The following SCMH1 variants were observed in gnomAD, a reference collection of about 807,000 sequenced individuals.
SCMH1 encodes the protein Scm polycomb group protein homolog 1, also known as polycomb protein SCMH1.
SCMH1 carries 37 observed loss-of-function variants against 70.8 expected under a neutral mutation model. The observed-to-expected ratio is 0.52, with a 90% CI of 0.40 to 0.69. The LOEUF (loss-of-function observed/expected upper bound fraction) is 0.69. SCMH1 is among the 30% of genes least tolerant of loss of function. The pLI is 0.00. For synonymous variants in SCMH1, 292 were observed against 307.4 expected (o/e 0.95, Z 0.52); for missense variants, 607 against 827.3 (o/e 0.73, Z 3.27).
chr1:41,063,473 A>C (rs1653500893), intron 10 of SCMH1, among the ~76,000 whole-genome samples: 1 of 151,974 alleles, frequency 6.6e-6, no homozygotes, highest in South Asian at 2.1e-4. Flanking sequence ...ACTCTGTCTA[A>C]AAAATAATAA....
At chr1:41,196,609 A>G (rs1653080344) in intron 1 of SCMH1, among the ~76,000 whole-genome samples, 1 of 152,176 alleles carries the variant, frequency 6.6e-6, no homozygotes. Context: ...AGAAGAAAAC[A>G]TAGGGGAAAA....
At chr1:41,147,449 A>G (rs1382698201) in intron 5 of SCMH1, among the ~76,000 whole-genome samples, 1 of 152,040 alleles carries the variant, frequency 6.6e-6, no homozygotes, top group South Asian at 2.1e-4. Context: ...GTTTGGTGAG[A>G]GTTTTTATTT....
rs921369446 is a variant in SCMH1 at position 41,162,036 on chromosome 1, G to A, written c.14-604C>T. On this transcript the variant is annotated intron_variant, in intron 2 of 14. Transcript: ENST00000337495. The stretch of plus-strand genomic sequence containing the variant: ...GAGCCTGGGAGCAGGCAGGAGTCCC[G>A]CCATCCTGGGTGCAGCTGCAGCCAC... Among the ~76,000 whole-genome samples the A allele has an allele frequency of 9.2e-5, 14 of 152,092 alleles. 1 individual carries two copies. Among genetic ancestry groups the A allele is most frequent in the Admixed American group, 6.5e-5 (1 of 15,274 alleles).
intron 1 of SCMH1, among the ~76,000 whole-genome samples, chr1:41,196,718 A>G (rs966617281): frequency 1.3e-5 from 2 of 152,192 alleles, no homozygotes; most frequent in Non-Finnish European, 2.9e-5. Flanking sequence ...CCAAAATGAA[A>G]AACTGTTGTG....
chr1:41,146,302 T>C (rs1644559521), intron 5 of SCMH1, among the ~76,000 whole-genome samples: 1 of 152,146 alleles, frequency 6.6e-6, no homozygotes, highest in Non-Finnish European at 1.5e-5. Context: ...TCAAAAAAGT[T>C]AAAAAATTAA....
intron 13 of SCMH1, among the ~76,000 whole-genome samples, chr1:41,030,932 T>C (rs1363465959): frequency 1.3e-5 from 2 of 152,198 alleles, no homozygotes; most frequent in African/African-American, 2.4e-5. Context: ...CTTGCCTTGC[T>C]CACGTCTGTA....
At chr1:41,117,649 C>T (rs1670852656) in intron 6 of SCMH1, among the ~76,000 whole-genome samples, 2 of 152,216 alleles carry the variant, frequency 1.3e-5, no homozygotes, top group African/African-American at 4.8e-5. Flanking sequence ...AGTTCGCCTT[C>T]ATGTTCCATC....
intron 8 of SCMH1, among the ~76,000 whole-genome samples, chr1:41,106,148 T>A (rs1288791202): frequency 6.6e-6 from 1 of 151,876 alleles, no homozygotes; most frequent in Admixed American, 6.6e-5. Context: ...GTGCTGGGAT[T>A]ACAAGTGTGA....
At chr1:41,067,477 AAAAAG>A (rs1655051912) in intron 10 of SCMH1, among the ~76,000 whole-genome samples, 2 of 151,424 alleles carry the variant, frequency 1.3e-5, no homozygotes, top group African/African-American at 2.4e-5. Context: ...AAAAAAAAAA[AAAAAG>A]AGCTATCAAG....
intron 13 of SCMH1, among the ~76,000 whole-genome samples, chr1:41,035,673 C>T (rs879342636): frequency 2.6e-5 from 4 of 152,188 alleles, no homozygotes; most frequent in Non-Finnish European, 4.4e-5. Context: ...CTAACTTTCT[C>T]CTCTTTCCTA....
At chr1:41,033,882 T>A in intron 13 of SCMH1, 101 bp downstream of exon 14, 1 of 1,553,580 alleles carries the variant, frequency 6.4e-7, no homozygotes, top group South Asian at 1.2e-5. Flanking sequence ...GGAACAACAG[T>A]ACCATCTGAG....
At chr1:41,181,879 G>T (rs1276029080) in intron 2 of SCMH1, among the ~76,000 whole-genome samples, 1 of 152,128 alleles carries the variant, frequency 6.6e-6, no homozygotes, top group Non-Finnish European at 1.5e-5. Context: ...AAATCATGCT[G>T]CTATAAAGAC....
chr1:41,105,079 C>T (rs1451026488), intron 8 of SCMH1, among the ~76,000 whole-genome samples: 3 of 151,260 alleles, frequency 2.0e-5, no homozygotes, highest in Non-Finnish European at 3.0e-5. Context: ...CTTCAATATC[C>T]GAAGTAGCTG....
At chr1:41,163,461 C>T (rs151037606) in intron 2 of SCMH1, among the ~76,000 whole-genome samples, 1,696 of 152,292 alleles carry the variant, frequency 0.011, 16 homozygotes, top group Non-Finnish European at 0.017. Flanking sequence ...CACAGGTTTC[C>T]GGCCAGAAAA....
intron 6 of SCMH1, among the ~76,000 whole-genome samples, chr1:41,139,185 TA>T (rs1453351740): frequency 1.3e-5 from 2 of 152,148 alleles, no homozygotes; most frequent in African/African-American, 4.8e-5. Flanking sequence ...CCAATTCCAA[TA>T]GTTTGTGCTC....
At position 41,094,202 on chromosome 1, in the gene SCMH1, A is replaced by G. The variant is rs369378728; in HGVS notation, c.746-18751T>C. The stretch of plus-strand genomic sequence containing the variant: ...TAAATTTTACTGCTTCATCAAGGAC[A>G]CTGTTAAGTGAACTTGGCTTATGCC... On this transcript the variant is annotated intron_variant, in intron 8 of 14. Transcript: ENST00000337495. Among the ~76,000 whole-genome samples the G allele has an allele frequency of 5.8e-4, 88 of 152,280 alleles. No homozygotes were observed. In the East Asian group the frequency reaches 0.015, roughly 25 times the overall value.
At chr1:41,028,504 C>T in intron 14 of SCMH1, 80 bp downstream of exon 15, 1 of 1,573,344 alleles carries the variant, frequency 6.4e-7, no homozygotes, top group Non-Finnish European at 8.7e-7. Flanking sequence ...CATCCCTCCT[C>T]CCCAAACATC....
chr1:41,193,800 T>C (rs1253348093), intron 1 of SCMH1, among the ~76,000 whole-genome samples: 1 of 152,138 alleles, frequency 6.6e-6, no homozygotes, highest in African/African-American at 2.4e-5. Context: ...ACTAAGCCAA[T>C]GGTATATTAT....
intron 8 of SCMH1, among the ~76,000 whole-genome samples, chr1:41,100,807 G>T (rs900457584): frequency 1.3e-5 from 2 of 151,970 alleles, no homozygotes; most frequent in South Asian, 2.1e-4. Context: ...CCCGTGATCC[G>T]CCTGCCTTGG....
Sources: gnomAD v4.1 joint callset for allele counts (sites outside exome capture counted in the v4.1 genomes callset) on GRCh38, gnomAD v4.1.1 for gene constraint, MANE v1.5 for transcripts, NCBI Gene and HGNC (gene_info 2026-07-23, HGNC 2026-07-21) for gene names.